HECW2: variants seen among roughly 807,000 people sequenced by gnomAD.
HECW2 encodes the protein HECT, C2 and WW domain containing E3 ubiquitin protein ligase 2.
In HECW2, 61 loss-of-function variants were observed where a neutral mutation model predicts 175.2. That is an observed-to-expected ratio of 0.35 (90% CI 0.28 to 0.43). HECW2 has a LOEUF of 0.43. Ranked by LOEUF, HECW2 falls within the 20% of genes least tolerant of loss-of-function variation. The pLI is 1.00. For missense variants in HECW2, 1,524 were observed against 2,000.5 expected (o/e 0.76, Z 4.54); for synonymous variants, 671 against 731.0 (o/e 0.92, Z 1.32).
At chr2:196,337,536 C>T (rs564873543) in intron 3 of HECW2, among the ~76,000 whole-genome samples, 1 of 147,610 alleles carries the variant, frequency 6.8e-6, no homozygotes, top group South Asian at 2.2e-4. Context: ...GGCAACATCT[C>T]CCCCTGCTGG....
chr2:196,279,804 C>G (rs1474623249), intron 14 of HECW2, among the ~76,000 whole-genome samples: 1 of 152,158 alleles, frequency 6.6e-6, no homozygotes, highest in East Asian at 1.9e-4. Flanking sequence ...CTATATGTTT[C>G]TTACAAAAAC....
At chr2:196,538,017 G>A (rs772213917) in intron 1 of HECW2, among the ~76,000 whole-genome samples, 12 of 151,954 alleles carry the variant, frequency 7.9e-5, no homozygotes, top group South Asian at 4.2e-4. Flanking sequence ...CTTTCTTGTG[G>A]GAGATCCAAG....
At chr2:196,532,131 T>G (rs1688859005) in intron 1 of HECW2, among the ~76,000 whole-genome samples, 1 of 152,222 alleles carries the variant, frequency 6.6e-6, no homozygotes. Context: ...TTACTGGGTA[T>G]ATACCCAAAG....
chr2:196,280,117 T>C (rs1690130669), intron 14 of HECW2, among the ~76,000 whole-genome samples: 1 of 152,152 alleles, frequency 6.6e-6, no homozygotes, highest in Admixed American at 6.6e-5. Flanking sequence ...AATTAGAAAT[T>C]GTAAGTTTTC....
At chr2:196,549,743 A>G (rs1398279584) in intron 1 of HECW2, among the ~76,000 whole-genome samples, 1 of 152,220 alleles carries the variant, frequency 6.6e-6, no homozygotes, top group Non-Finnish European at 1.5e-5. Context: ...ACAGATTATA[A>G]TACAAGCAAT....
chr2:196,332,513 A>G (rs1692404043), intron 4 of HECW2, among the ~76,000 whole-genome samples: 1 of 152,348 alleles, frequency 6.6e-6, no homozygotes, highest in Admixed American at 6.5e-5. Flanking sequence ...CACTTTCAAG[A>G]TGCTCTGAAA....
rs1397490680 is a variant in HECW2, at chr2:196,307,200, C to G, written c.2619G>C (p.Glu873Asp). Residue 873 changes from glutamate (E) to aspartate (D), a missense_variant, in exon 12 of 29, where the codon GAG (glutamate) becomes GAC (aspartate). Coordinates refer to ENST00000644978, the MANE Select transcript of HECW2 (RefSeq NM_001348768.2). ...YQSIRRTMTN[E>D]RPEENTNAID... ...TAGCATTGGTATTTTCCTCAGGCCTCTCATTGGTCATGGTTCTGCGGATAC... is the reference window on the plus strand; with the variant it reads ...TAGCATTGGTATTTTCCTCAGGCCTGTCATTGGTCATGGTTCTGCGGATAC... The G allele has an allele frequency of 6.2e-7, 1 of 1,613,870 alleles. No individual in the cohort carries two copies. Among genetic ancestry groups the G allele is most frequent in the Non-Finnish European group, 8.5e-7 (1 of 1,179,732 alleles).
At chr2:196,313,704 G>A (rs1048700438) in intron 10 of HECW2, among the ~76,000 whole-genome samples, 2 of 152,120 alleles carry the variant, frequency 1.3e-5, no homozygotes, top group Non-Finnish European at 2.9e-5. Context: ...CTGAAAATAT[G>A]ATGAAAAGGT....
intron 2 of HECW2, among the ~76,000 whole-genome samples, chr2:196,355,521 A>T (rs371046874): frequency 2.6e-5 from 4 of 152,240 alleles, no homozygotes; most frequent in African/African-American, 7.2e-5. Flanking sequence ...GAACTTTCAT[A>T]AGAAAGAGCA....
At chr2:196,540,057 C>T (rs1689160318) in intron 1 of HECW2, among the ~76,000 whole-genome samples, 1 of 152,188 alleles carries the variant, frequency 6.6e-6, no homozygotes, top group Non-Finnish European at 1.5e-5. Flanking sequence ...ACTGTCTGAA[C>T]TACTTTGACA....
chr2:196,279,071 C>T (rs1268562771), intron 14 of HECW2, among the ~76,000 whole-genome samples: 4 of 151,536 alleles, frequency 2.6e-5, no homozygotes, highest in East Asian at 1.9e-4. Flanking sequence ...TTTTTTGAGA[C>T]GGAGTCTCGC....
At chr2:196,559,431 A>G (rs899435224) in intron 1 of HECW2, among the ~76,000 whole-genome samples, 1 of 152,232 alleles carries the variant, frequency 6.6e-6, no homozygotes, top group Admixed American at 6.5e-5. Context: ...AAACCCTGAT[A>G]TATATCAAGC....
At chr2:196,585,058 T>C (rs1690924780) in intron 1 of HECW2, among the ~76,000 whole-genome samples, 1 of 152,216 alleles carries the variant, frequency 6.6e-6, no homozygotes, top group South Asian at 2.1e-4. Context: ...TGGTTTTACT[T>C]GCTAATAATT....
chr2:196,397,931 C>A (rs1473540983), intron 2 of HECW2, among the ~76,000 whole-genome samples: 6 of 152,186 alleles, frequency 3.9e-5, no homozygotes, highest in Admixed American at 2.0e-4. Flanking sequence ...AATAAAGCTG[C>A]ACTGAGCCAA....
At chr2:196,528,066 G>A (rs534033550) in intron 1 of HECW2, among the ~76,000 whole-genome samples, 2 of 152,186 alleles carry the variant, frequency 1.3e-5, no homozygotes, top group African/African-American at 4.8e-5. Context: ...CCCATAGCAG[G>A]AACTAAAAAG....
intron 28 of HECW2, among the ~76,000 whole-genome samples, chr2:196,202,374 G>A (rs1376862821): frequency 6.6e-6 from 1 of 152,078 alleles, no homozygotes; most frequent in African/African-American, 2.4e-5. Flanking sequence ...TAATGTAGTG[G>A]GAAGACCAGA....
intron 1 of HECW2, among the ~76,000 whole-genome samples, chr2:196,569,051 G>A (rs1217105431): frequency 1.3e-5 from 2 of 152,128 alleles, no homozygotes; most frequent in African/African-American, 4.8e-5. Context: ...TATAAAATAG[G>A]CTCTGGCTGG....
At chr2:196,236,777 C>T (rs1016702136) in intron 21 of HECW2, among the ~76,000 whole-genome samples, 2 of 152,154 alleles carry the variant, frequency 1.3e-5, no homozygotes, top group Non-Finnish European at 2.9e-5. Flanking sequence ...AGGTAAAGTG[C>T]CACCCTCACG....
At chr2:196,236,780 C>T (rs1167124891) in intron 21 of HECW2, among the ~76,000 whole-genome samples, 3 of 152,200 alleles carry the variant, frequency 2.0e-5, no homozygotes, top group Admixed American at 2.0e-4. Flanking sequence ...TAAAGTGCCA[C>T]CCTCACGCAT....
Sources: allele counts gnomAD v4.1 joint callset (sites outside exome capture counted in the v4.1 genomes callset), GRCh38; gene constraint gnomAD v4.1.1; transcripts MANE v1.5; gene names NCBI Gene and HGNC (gene_info 2026-07-23, HGNC 2026-07-21).